ZFAT: variants seen among roughly 807,000 people sequenced by gnomAD.
ZFAT encodes zinc finger protein ZFAT.
ZFAT carries 64 observed loss-of-function variants against 117.7 expected under a neutral mutation model. The ratio of observed to expected loss-of-function variants is 0.54; its 90% CI spans 0.44 to 0.67. The LOEUF (loss-of-function observed/expected upper bound fraction) is 0.67, where lower values mean the gene tolerates loss of function less well. ZFAT is among the 30% of genes least tolerant of loss of function. The probability of loss-of-function intolerance (pLI) is 0.00; values close to 1 mark genes in which losing one functional copy is unlikely to be tolerated. For synonymous variants in ZFAT, 679 were observed against 615.0 expected (o/e 1.10, Z -1.54); for missense variants, 1,433 against 1,584.5 (o/e 0.90, Z 1.62).
chr8:134,573,562 G>A (rs558206814), intron 10 of ZFAT, among the ~76,000 whole-genome samples: 128 of 152,282 alleles, frequency 8.4e-4, no homozygotes, highest in African/African-American at 3.0e-3. Context: ...TGCAGACACC[G>A]CAGCTCTTTC....
At chr8:134,510,093 C>G (rs774759894) in intron 14 of ZFAT, 1 of 462,962 alleles carries the variant, frequency 2.2e-6, no homozygotes, top group South Asian at 1.5e-5. Context: ...GGACATGTGG[C>G]TGCCCTCGAA....
chr8:134,708,841 A>G (rs1417072656), intron 1 of ZFAT, among the ~76,000 whole-genome samples: 1 of 152,106 alleles, frequency 6.6e-6, no homozygotes, highest in Non-Finnish European at 1.5e-5. Context: ...AATCCCAGCT[A>G]CTTGGGAGGC....
intron 2 of ZFAT, among the ~76,000 whole-genome samples, chr8:134,643,541 T>A (rs1830709402): frequency 6.6e-6 from 1 of 152,054 alleles, no homozygotes; most frequent in Admixed American, 6.5e-5. Flanking sequence ...ATGAAAAAGG[T>A]CAGTATCTTA....
chr8:134,590,404 G>A, intron 7 of ZFAT, 49 bp from the exon 8 acceptor site: 1 of 1,500,822 alleles, frequency 6.7e-7, no homozygotes, highest in Admixed American at 1.7e-5. Context: ...TTAAATCTGT[G>A]GTCTGTAAAA....
At chr8:134,513,993 C>T (rs181284479) in intron 13 of ZFAT, among the ~76,000 whole-genome samples, 3 of 152,326 alleles carry the variant, frequency 2.0e-5, no homozygotes, top group Non-Finnish European at 2.9e-5. Context: ...TGCCTGAGCC[C>T]GTGAAAGGAC....
intron 13 of ZFAT, among the ~76,000 whole-genome samples, chr8:134,517,956 G>A (rs532689906): frequency 3.9e-5 from 6 of 152,248 alleles, no homozygotes; most frequent in Admixed American, 3.9e-4. Flanking sequence ...AACCTCTACT[G>A]CTTGGTGAAG....
At chr8:134,500,374 A>G (rs1024178098) in intron 15 of ZFAT, among the ~76,000 whole-genome samples, 1 of 152,238 alleles carries the variant, frequency 6.6e-6, no homozygotes, top group African/African-American at 2.4e-5. Flanking sequence ...AGGAAAAGGA[A>G]GAAAAGTGAA....
At chr8:134,526,086 A>G (rs1020587205) in intron 12 of ZFAT, among the ~76,000 whole-genome samples, 2 of 152,154 alleles carry the variant, frequency 1.3e-5, no homozygotes, top group Non-Finnish European at 2.9e-5. Context: ...CTTCTCCTAT[A>G]AAGACTTAAT....
the ZFAT span, among the ~76,000 whole-genome samples, chr8:134,800,052 G>A: frequency 6.6e-6 from 1 of 152,234 alleles, no homozygotes; most frequent in East Asian, 1.9e-4. Flanking sequence ...AAATTCACTT[G>A]TGGAGTCCAG....
At chr8:134,740,694 G>T in the ZFAT span, among the ~76,000 whole-genome samples, 1 of 152,150 alleles carries the variant, frequency 6.6e-6, no homozygotes, top group African/African-American at 2.4e-5. Flanking sequence ...CCAGAACCAT[G>T]GAATGTTCTG....
intron 15 of ZFAT, among the ~76,000 whole-genome samples, chr8:134,506,330 G>T (rs1226795559): frequency 6.6e-6 from 1 of 152,168 alleles, no homozygotes; most frequent in Non-Finnish European, 1.5e-5. Context: ...GGCTGGAGTG[G>T]GGCACGCAAG....
the ZFAT span, among the ~76,000 whole-genome samples, chr8:134,805,631 A>AT: frequency 2.0e-5 from 3 of 152,264 alleles, no homozygotes; most frequent in Non-Finnish European, 2.9e-5. Context: ...TAAGTGAAAT[A>AT]TAAGTAAATC....
intron 10 of ZFAT, chr8:134,565,763 G>GA: frequency 1.1e-5 from 4 of 366,158 alleles, no homozygotes; most frequent in South Asian, 9.6e-5. Context: ...ACACAGATGA[G>GA]ACTGCAGGGG....
chr8:134,485,582 G>A (rs1028786235), intron 15 of ZFAT, among the ~76,000 whole-genome samples: 2 of 152,164 alleles, frequency 1.3e-5, no homozygotes, highest in African/African-American at 4.8e-5. Context: ...GGAAGACTGT[G>A]GGGAAGGCAG....
intron 3 of ZFAT, among the ~76,000 whole-genome samples, chr8:134,621,547 C>T (rs1237025343): frequency 1.3e-5 from 2 of 152,080 alleles, no homozygotes; most frequent in African/African-American, 2.4e-5. Flanking sequence ...AGCTGAAGTC[C>T]CCTTGTCCAT....
At chr8:134,688,650 G>A (rs1040013288) in intron 1 of ZFAT, among the ~76,000 whole-genome samples, 2 of 152,192 alleles carry the variant, frequency 1.3e-5, no homozygotes, top group East Asian at 3.8e-4. Context: ...GGAGGGAGCA[G>A]GGAATTGTCA....
chr8:134,635,368 A>T (rs1830142096), intron 3 of ZFAT, among the ~76,000 whole-genome samples: 1 of 152,216 alleles, frequency 6.6e-6, no homozygotes, highest in South Asian at 2.1e-4. Flanking sequence ...AATTGTGCAG[A>T]AAGTCCAGGA....
At chr8:134,648,395 A>G (rs1322281912) in intron 2 of ZFAT, among the ~76,000 whole-genome samples, 1 of 152,086 alleles carries the variant, frequency 6.6e-6, no homozygotes, top group Non-Finnish European at 1.5e-5. Context: ...TTCAAAGATT[A>G]AGAAAATGCC....
At position 134,508,089 on chromosome 8, in the gene ZFAT, G is replaced by C. The variant is rs544691068; in HGVS notation, c.3492+1530C>G. On this transcript the variant is annotated intron_variant, in intron 15 of 15. Transcript: ENST00000377838. ...CATCCCCCTGCCTACTCTCCAGCTCGACTCCTGAGAGAAATCACACTGTGG... is the reference window on the plus strand; with the variant it reads ...CATCCCCCTGCCTACTCTCCAGCTCCACTCCTGAGAGAAATCACACTGTGG... 3.5e-3 allele frequency among the ~76,000 whole-genome samples: 525 copies of C among 148,432 alleles called. 3 individuals carry two copies. The highest frequency in any genetic ancestry group is 6.1e-3 in the Non-Finnish European group (399 of 65,546).
Sources: allele counts gnomAD v4.1 joint callset (sites outside exome capture counted in the v4.1 genomes callset), GRCh38; gene constraint gnomAD v4.1.1; transcripts MANE v1.5; gene names NCBI Gene and HGNC (gene_info 2026-07-23, HGNC 2026-07-21).